Variants in ANKRD16 observed in about 807,000 individuals in gnomAD.
The protein encoded by ANKRD16 is ankyrin repeat domain 16.
Under a neutral mutation model 37.9 loss-of-function variants are expected in ANKRD16, and 35 were observed. That is an observed-to-expected ratio of 0.92 (90% CI 0.71 to 1.23). The LOEUF (loss-of-function observed/expected upper bound fraction) is 1.23, where lower values mean the gene tolerates loss of function less well. Ranked by LOEUF, ANKRD16 falls within the 50% of genes most tolerant of loss-of-function variation. The probability of loss-of-function intolerance (pLI) is 0.00; values close to 1 mark genes in which losing one functional copy is unlikely to be tolerated. For synonymous variants in ANKRD16, 206 were observed against 197.2 expected (o/e 1.04, Z -0.37); for missense variants, 480 against 469.9 (o/e 1.02, Z -0.20).
intron 1 of ANKRD16, among the ~76,000 whole-genome samples, chr10:5,888,724 C>T (rs957801296): frequency 6.6e-6 from 1 of 152,248 alleles, no homozygotes; most frequent in Non-Finnish European, 1.5e-5. Context: ...ACATCGCATC[C>T]GGAGGCTATC....
chr10:5,879,339 T>A (rs1043668679), intron 6 of ANKRD16, among the ~76,000 whole-genome samples: 2 of 152,028 alleles, frequency 1.3e-5, no homozygotes, highest in Admixed American at 6.6e-5. Flanking sequence ...CTGGGCATGG[T>A]GGTGGGCACC....
At position 5,889,302 on chromosome 10, in the gene ANKRD16, C is replaced by G; in HGVS notation, c.53G>C (p.Arg18Pro). 7.3e-7 allele frequency: 1 copy of G among 1,378,962 alleles called. No individual in the cohort carries two copies. The highest frequency in any genetic ancestry group is 9.3e-7 in the Non-Finnish European group (1 of 1,070,820). The allele number at this position is 1,378,962 out of a possible 1,614,324, so 85.4% of individuals were successfully genotyped here. ...CAGCTCCTCCTTCAGGGCGCGCAGCCGGCCCTCCTGCACCAGCCTGCAGAG... is the reference window on the plus strand; with the variant it reads ...CAGCTCCTCCTTCAGGGCGCGCAGCGGGCCCTCCTGCACCAGCCTGCAGAG... ...RRLCRLVQEG[R>P]LRALKEELQA... The change falls in exon 1 of 8, where the codon CGG (arginine) becomes CCG (proline). Residue 18 changes from arginine (R) to proline (P), a missense_variant. Coordinates refer to ENST00000380094, the MANE Select transcript of ANKRD16 (RefSeq NM_019046.3).
rs943966863 is a variant in ANKRD16, at chr10:5,889,361, G to T, written c.-7C>A. ...GGTCCCCGGGCTGGGCCATCGCCGCGGGTCGGGCCGGGCTGCGCGGGGAGG... is the reference window on the plus strand; with the variant it reads ...GGTCCCCGGGCTGGGCCATCGCCGCTGGTCGGGCCGGGCTGCGCGGGGAGG... On this transcript the variant is annotated 5_prime_UTR_variant, in exon 1 of 8. Transcript: ENST00000380094. 149 of 1,213,374 alleles carry T rather than the reference G, an allele frequency of 1.2e-4. No individual in the cohort carries two copies. The highest frequency in any genetic ancestry group is 3.3e-4 in the Middle Eastern group (1 of 3,064). 75.2% of individuals were successfully genotyped at this position (1,213,374 alleles called of 1,614,324 possible). A position where few individuals can be genotyped will look rare whatever the true frequency, so the allele number is the denominator to read the frequency against.
At chr10:5,887,708 C>CCCCCCCG (rs1433532977) in intron 2 of ANKRD16, 139 bp downstream of exon 2, 13 of 194,162 alleles carry the variant, frequency 6.7e-5, no homozygotes, top group South Asian at 5.7e-4. Flanking sequence ...CCCTCCCCCC[C>CCCCCCCG]AGATGTTCTT....
rs1227833131 is a variant in ANKRD16 at position 5,889,613 on chromosome 10, G to C, written c.-259C>G. 9.2e-6 allele frequency: 2 copies of C among 216,700 alleles called. No homozygotes were observed. Among genetic ancestry groups the C allele is most frequent in the African/African-American group, 2.3e-5 (1 of 43,254 alleles). The allele number at this position is 216,700 out of a possible 1,614,324, so 13.4% of individuals were successfully genotyped here. On this transcript the variant is annotated 5_prime_UTR_variant, in exon 1 of 8. Coordinates refer to ENST00000380094, the MANE Select transcript of ANKRD16 (RefSeq NM_019046.3). ...CCGCGTGGGAGAAGCCGCGGTTCCG[G>C]GCACGGGGCGGTTTTTCCTCAGGGA...
chr10:5,873,711 G>C (rs1188423931), intron 7 of ANKRD16, among the ~76,000 whole-genome samples: 3 of 152,072 alleles, frequency 2.0e-5, no homozygotes, highest in East Asian at 3.8e-4. Context: ...CACTGTCTGA[G>C]CACCCTCCCT....
rs923299548 is a variant in ANKRD16 at position 5,874,474 on chromosome 10, G to A, written c.*33+3623C>T. 9.9e-5 allele frequency among the ~76,000 whole-genome samples: 15 copies of A among 152,192 alleles called. No homozygotes were observed. The highest frequency in any genetic ancestry group is 3.6e-4 in the African/African-American group (15 of 41,448). On this transcript the variant is annotated intron_variant, in intron 7 of 7. Coordinates refer to ENST00000380094, the MANE Select transcript of ANKRD16 (RefSeq NM_019046.3). This position sits in a 1 kb window ranked among gnomAD's most constrained non-coding sequence, Gnocchi z 4.7. The stretch of plus-strand genomic sequence containing the variant: ...CACTCTCTAGGAGGAGAGTGAGAGA[G>A]CTTGGGCAGGAGTCGCAGTAGGGAT...
At position 5,863,142 on chromosome 10, in the gene ANKRD16, C is replaced by T. The variant is rs1323371667; in HGVS notation, c.*34-451G>A. Among the ~76,000 whole-genome samples, 4 of 152,068 alleles carry T rather than the reference C, an allele frequency of 2.6e-5. No homozygotes were observed. The highest frequency in any genetic ancestry group is 4.8e-5 in the African/African-American group (2 of 41,374). ...AGGCCTCCCCAACGCAGTGTCCACACCAGCATTACTGTGGAACTTGGGAGA... is the reference window on the plus strand; with the variant it reads ...AGGCCTCCCCAACGCAGTGTCCACATCAGCATTACTGTGGAACTTGGGAGA... On this transcript the variant is annotated intron_variant, in intron 7 of 7. Coordinates refer to ENST00000380094, the MANE Select transcript of ANKRD16 (RefSeq NM_019046.3). The surrounding 1 kb of genome is among the most constrained non-coding windows in gnomAD (Gnocchi z 4.7).
chr10:5,876,877 GA>G (rs1842194663), intron 7 of ANKRD16, among the ~76,000 whole-genome samples: 1 of 151,918 alleles, frequency 6.6e-6, no homozygotes, highest in Non-Finnish European at 1.5e-5. Context: ...AAAAGGAAAA[GA>G]AAGAAAAGGA....
rs79066356 is a variant in ANKRD16 at position 5,862,659 on chromosome 10, G to A, written c.*66C>T. ...AGTTGCACTTGGCTTTCTCTGAGCC[G>A]AAAAACGAAAGGTGCTCAGGCTCCC... On this transcript the variant is annotated 3_prime_UTR_variant, in exon 8 of 8. Transcript: ENST00000380094. The surrounding 1 kb of genome is among the most constrained non-coding windows in gnomAD (Gnocchi z 6.5). 9,471 of 1,289,588 alleles carry A rather than the reference G, an allele frequency of 7.3e-3. 223 individuals are homozygous for A. The African/African-American group carries it at 0.076, about 10-fold the overall frequency. 79.9% of individuals were successfully genotyped at this position (1,289,588 alleles called of 1,614,324 possible).
Position 5,874,735 on chromosome 10 carries a change from A to G in ANKRD16, c.*33+3362T>C, listed in dbSNP as rs1842158998. Among the ~76,000 whole-genome samples the G allele has an allele frequency of 6.6e-6, 1 of 152,180 alleles. No homozygotes were observed. The highest frequency in any genetic ancestry group is 2.1e-4 in the South Asian group (1 of 4,834). ...CATCCATGCAGAAACGTAAGCAGGC[A>G]GTGGAAAGTAAGGGCTAGAGAGAGA... On this transcript the variant is annotated intron_variant, in intron 7 of 7. Transcript: ENST00000380094. The surrounding 1 kb of genome is among the most constrained non-coding windows in gnomAD (Gnocchi z 4.7).
chr10:5,871,420 A>C lies in ANKRD16; in HGVS notation c.*33+6677T>G, dbSNP rs1842088799. Among the ~76,000 whole-genome samples, 3 of 132,568 alleles carry C rather than the reference A, an allele frequency of 2.3e-5. No homozygotes were observed. Among genetic ancestry groups the C allele is most frequent in the African/African-American group, 5.1e-5 (2 of 39,300 alleles). The allele number at this position is 132,568 out of a possible 152,430, so 87.0% of individuals were successfully genotyped here. On this transcript the variant is annotated intron_variant, in intron 7 of 7. Transcript: ENST00000380094. The surrounding 1 kb of genome is among the most constrained non-coding windows in gnomAD (Gnocchi z 4.5). ...AAATAAATAAATAAATAAATAAATA[A>C]ATAAATATCACACCACATCACTCTT... is the stretch of plus-strand genomic sequence containing the variant.
At position 5,866,368 on chromosome 10, in the gene ANKRD16, A is replaced by T. The variant is rs1020473462; in HGVS notation, c.*34-3677T>A. Among the ~76,000 whole-genome samples, 2 of 152,214 alleles carry T rather than the reference A, an allele frequency of 1.3e-5. No homozygotes were observed. Among genetic ancestry groups the T allele is most frequent in the East Asian group, 1.9e-4 (1 of 5,190 alleles). On this transcript the variant is annotated intron_variant, in intron 7 of 7. Transcript: ENST00000380094. This position sits in a 1 kb window ranked among gnomAD's most constrained non-coding sequence, Gnocchi z 4.3. ...ACTGATGAAAGTTCATTTGTGGTGG[A>T]GAATTGGATACGAAGGGCAGGTTAT...
rs1347636754 is a variant in ANKRD16 at position 5,864,914 on chromosome 10, C to T, written c.*34-2223G>A. Among the ~76,000 whole-genome samples, 2 of 152,206 alleles carry T rather than the reference C, an allele frequency of 1.3e-5. No individual in the cohort carries two copies. Among genetic ancestry groups the T allele is most frequent in the Non-Finnish European group, 2.9e-5 (2 of 68,044 alleles). On this transcript the variant is annotated intron_variant, in intron 7 of 7. Transcript: ENST00000380094. The surrounding 1 kb of genome is among the most constrained non-coding windows in gnomAD (Gnocchi z 4.4). ...GAAAATATACTCCCCTGTCGCCCGACTCACTCGAGGGTCAATTGATCCTAA... is the reference window on the plus strand; with the variant it reads ...GAAAATATACTCCCCTGTCGCCCGATTCACTCGAGGGTCAATTGATCCTAA...
In ANKRD16 at chr10:5,870,382, A is replaced by C. The variant is rs905747109; in HGVS notation, c.*34-7691T>G. Among the ~76,000 whole-genome samples, 3 of 149,014 alleles carry C rather than the reference A, an allele frequency of 2.0e-5. No homozygotes were observed. Among genetic ancestry groups the C allele is most frequent in the Non-Finnish European group, 4.4e-5 (3 of 67,510 alleles). On this transcript the variant is annotated intron_variant, in intron 7 of 7. Transcript: ENST00000380094. The surrounding 1 kb of genome is among the most constrained non-coding windows in gnomAD (Gnocchi z 5.0). The stretch of plus-strand genomic sequence containing the variant: ...CTGCGACTCTGCCCGGGCACCAGCC[A>C]GTCCTCATTCCCTCCCTACTGCTTT...
intron 3 of ANKRD16, among the ~76,000 whole-genome samples, chr10:5,885,429 G>A (rs529511578): frequency 9.2e-5 from 14 of 151,966 alleles, no homozygotes; most frequent in East Asian, 7.7e-4. Context: ...TGATCCGCCC[G>A]CCTCGGCCTC....
intron 5 of ANKRD16, chr10:5,881,103 T>C (rs1842294493): frequency 1.1e-6 from 1 of 898,112 alleles, no homozygotes; most frequent in Non-Finnish European, 1.3e-6. Flanking sequence ...CCAGCCAAAT[T>C]TTCATATCTA....
At chr10:5,875,345 T>G (rs922500703) in intron 7 of ANKRD16, among the ~76,000 whole-genome samples, 1 of 152,172 alleles carries the variant, frequency 6.6e-6, no homozygotes, top group Non-Finnish European at 1.5e-5. Context: ...ATAATAATTT[T>G]AAATTTAAAT....
At chr10:5,884,340 G>T (rs12357094) in intron 3 of ANKRD16, among the ~76,000 whole-genome samples, 5,199 of 152,104 alleles carry the variant, frequency 0.034, 239 homozygotes, top group African/African-American at 0.1. Flanking sequence ...TCCTGCACCA[G>T]AGACCTGGAA....
Sources: gnomAD v4.1 joint callset for allele counts (sites outside exome capture counted in the v4.1 genomes callset) on GRCh38, gnomAD v4.1.1 for gene constraint, Gnocchi (gnomAD v3.1) non-coding constraint, MANE v1.5 for transcripts, NCBI Gene and HGNC (gene_info 2026-07-23, HGNC 2026-07-21) for gene names.